Variants in WNT3A observed in about 807,000 individuals in gnomAD.
The protein encoded by WNT3A is protein Wnt-3a.
A neutral mutation model predicts 37.0 loss-of-function variants in WNT3A; 17 were observed. The observed-to-expected ratio is 0.46, with a 90% CI of 0.31 to 0.69. WNT3A has a LOEUF of 0.69. Ranked by LOEUF, WNT3A falls within the 30% of genes least tolerant of loss-of-function variation. The pLI, the probability that WNT3A is intolerant of heterozygous loss-of-function variation, is 0.05. For synonymous variants in WNT3A, 187 were observed against 211.0 expected (o/e 0.89, Z 0.99); for missense variants, 411 against 510.2 (o/e 0.81, Z 1.87).
At chr1:228,049,709 C>T (rs1399117351) in intron 2 of WNT3A, among the ~76,000 whole-genome samples, 1 of 152,176 alleles carries the variant, frequency 6.6e-6, no homozygotes, top group East Asian at 1.9e-4. Flanking sequence ...TGTGAGGCGG[C>T]CCCTTATTGG....
Position 228,058,982 on chromosome 1 carries a change from G to A in WNT3A, c.580-4G>A, listed in dbSNP as rs759291462. On this transcript the variant is annotated splice_polypyrimidine_tract_variant and splice_region_variant and intron_variant, in intron 3 of 3. Transcript: ENST00000284523. ...TGACGCTGGCTCCTGCGCGTGCCCC[G>A]CAGGCCATCGCCAGCCACATGCACC... 4 of 1,605,216 alleles carry A rather than the reference G, an allele frequency of 2.5e-6. No individual in the cohort carries two copies. The African/African-American group carries it at 4.0e-5, about 16-fold the overall frequency.
intron 1 of WNT3A, among the ~76,000 whole-genome samples, chr1:228,019,109 G>A (rs551547934): frequency 2.6e-5 from 4 of 152,200 alleles, no homozygotes; most frequent in East Asian, 1.9e-4. Flanking sequence ...GGGCCCACCC[G>A]GGAGGAGGGT....
chr1:228,059,914 T>C lies in WNT3A; in HGVS notation c.*449T>C. On this transcript the variant is annotated 3_prime_UTR_variant, in exon 4 of 4. Coordinates refer to ENST00000284523, the MANE Select transcript of WNT3A (RefSeq NM_033131.4). ...GCTCCTCCTGAAGGAGGCGGGGCTC[T>C]AGGATGGGGCACGGCTCTGGGGTAG... The C allele has an allele frequency of 9.6e-7, 1 of 1,043,232 alleles. No individual in the cohort carries two copies. Among genetic ancestry groups the C allele is most frequent in the Non-Finnish European group, 1.2e-6 (1 of 865,154 alleles). The allele number at this position is 1,043,232 out of a possible 1,614,324, so 64.6% of individuals were successfully genotyped here.
intron 2 of WNT3A, among the ~76,000 whole-genome samples, chr1:228,041,031 A>G (rs1305512683): frequency 6.7e-6 from 1 of 148,286 alleles, no homozygotes; most frequent in Non-Finnish European, 1.5e-5. Context: ...CTATCTATCT[A>G]TCTATCTATC....
chr1:228,037,545 G>A lies in WNT3A; in HGVS notation c.314-13111G>A, dbSNP rs900917582. Among the ~76,000 whole-genome samples the A allele has an allele frequency of 6.6e-5, 10 of 152,154 alleles. No individual in the cohort carries two copies. The highest frequency in any genetic ancestry group is 1.7e-4 in the African/African-American group (7 of 41,442). On this transcript the variant is annotated intron_variant, in intron 2 of 3. Coordinates refer to ENST00000284523, the MANE Select transcript of WNT3A (RefSeq NM_033131.4). The surrounding 1 kb of genome is among the most constrained non-coding windows in gnomAD (Gnocchi z 4.1). Reference sequence around the variant, plus strand: ...CCCTGCCTATGAGGGCCGGCACAGGGGTGGGGCCTGCCTGCTAGGACATGG... The same window carrying A: ...CCCTGCCTATGAGGGCCGGCACAGGAGTGGGGCCTGCCTGCTAGGACATGG...
chr1:228,060,238 G>C lies in WNT3A; in HGVS notation c.*773G>C, dbSNP rs747975567. The C allele has an allele frequency of 7.4e-7, 1 of 1,351,654 alleles. No homozygotes were observed. Among genetic ancestry groups the C allele is most frequent in the Non-Finnish European group, 9.8e-7 (1 of 1,021,528 alleles). 83.7% of individuals were successfully genotyped at this position (1,351,654 alleles called of 1,614,324 possible). ...CCAGAGCAGGAAATTCAGCCCACCA[G>C]CCACCTCATCCCCAACCCCCTGTAA... On this transcript the variant is annotated 3_prime_UTR_variant, in exon 4 of 4. Coordinates refer to ENST00000284523, the MANE Select transcript of WNT3A (RefSeq NM_033131.4).
intron 2 of WNT3A, among the ~76,000 whole-genome samples, chr1:228,032,365 T>G (rs1161736351): frequency 6.6e-6 from 1 of 152,192 alleles, no homozygotes; most frequent in African/African-American, 2.4e-5. Flanking sequence ...GCCAGCAGAT[T>G]GGCTGGGGGC....
Position 228,050,768 on chromosome 1 carries a change from C to T in WNT3A, c.426C>T (p.His142=), listed in dbSNP as rs200159074. 1 of 1,614,148 alleles carries T rather than the reference C, an allele frequency of 6.2e-7. No homozygotes were observed. The highest frequency in any genetic ancestry group is 1.1e-5 in the South Asian group (1 of 91,074). ...TAAICGCSSR[H]QGSPGKGWKW... ...CCATCTGTGGCTGCAGCAGCCGCCA[C>T]CAGGGCTCACCAGGCAAGGGCTGGA... The change falls in exon 3 of 4, where the codon CAC becomes CAT. Residue 142 remains histidine (H), a synonymous_variant. Transcript: ENST00000284523. This position sits in a 1 kb window ranked among gnomAD's most constrained non-coding sequence, Gnocchi z 5.0.
intron 2 of WNT3A, among the ~76,000 whole-genome samples, chr1:228,030,326 G>A (rs1389627756): frequency 6.6e-6 from 1 of 151,634 alleles, no homozygotes; most frequent in Non-Finnish European, 1.5e-5. Flanking sequence ...AACCTGGGAG[G>A]CGGAGGTTTT....
At chr1:228,046,462 A>C (rs537843115) in intron 2 of WNT3A, among the ~76,000 whole-genome samples, 71 of 68,780 alleles carry the variant, frequency 1.0e-3, no homozygotes, top group Middle Eastern at 9.8e-3. Flanking sequence ...CTGTGTGTGC[A>C]TTGCACGAGG....
intron 1 of WNT3A, among the ~76,000 whole-genome samples, chr1:228,021,496 C>T (rs1258483260): frequency 6.6e-6 from 1 of 152,122 alleles, no homozygotes; most frequent in Non-Finnish European, 1.5e-5. Context: ...GCCCCTCCTC[C>T]CCACGTGCTC....
At chr1:228,017,985 G>C (rs978968918) in intron 1 of WNT3A, among the ~76,000 whole-genome samples, 1 of 152,204 alleles carries the variant, frequency 6.6e-6, no homozygotes, top group Non-Finnish European at 1.5e-5. Flanking sequence ...AGAACAGCAC[G>C]GGGGCTTTGC....
rs902409625 is a variant in WNT3A, at chr1:228,059,343, G to C, written c.937G>C (p.Gly313Arg). The stretch of plus-strand genomic sequence containing the variant: ...CGACGGCTGCGACCTGCTGTGCTGC[G>C]GCCGCGGCCACAACGCGCGAGCGGA... ...GIDGCDLLCC[G>R]RGHNARAERR... Residue 313 changes from glycine (G) to arginine (R), a missense_variant, in exon 4 of 4, where the codon GGC becomes CGC. Coordinates refer to ENST00000284523, the MANE Select transcript of WNT3A (RefSeq NM_033131.4). The C allele has an allele frequency of 3.2e-6, 5 of 1,566,872 alleles. No individual in the cohort carries two copies. Among genetic ancestry groups the C allele is most frequent in the African/African-American group, 1.4e-5 (1 of 73,804 alleles).
In WNT3A at chr1:228,050,791, G is replaced by A; in HGVS notation, c.449G>A (p.Trp150Ter). Residue 150 changes from tryptophan (W) to a stop codon, truncating the protein, a stop_gained, in exon 3 of 4, where the codon TGG becomes TAG. Coordinates refer to ENST00000284523, the MANE Select transcript of WNT3A (RefSeq NM_033131.4). LOFTEE classifies it high-confidence loss of function. The surrounding 1 kb of genome is among the most constrained non-coding windows in gnomAD (Gnocchi z 5.0). ...SRHQGSPGKG[W>*]KWGGCSEDIE... ...CACCAGGGCTCACCAGGCAAGGGCTGGAAGTGGGGTGGCTGTAGCGAGGAC... is the reference window on the plus strand; with the variant it reads ...CACCAGGGCTCACCAGGCAAGGGCTAGAAGTGGGGTGGCTGTAGCGAGGAC... The A allele has an allele frequency of 6.2e-7, 1 of 1,614,052 alleles. No individual in the cohort carries two copies. Among genetic ancestry groups the A allele is most frequent in the Non-Finnish European group, 8.5e-7 (1 of 1,179,978 alleles).
At chr1:228,051,896 C>T (rs376470708) in intron 3 of WNT3A, among the ~76,000 whole-genome samples, 43 of 152,178 alleles carry the variant, frequency 2.8e-4, no homozygotes, top group East Asian at 1.2e-3. Context: ...GAGGTCGCCA[C>T]GCACAGATCT....
At chr1:228,024,755 A>G (rs1745413) in intron 2 of WNT3A, among the ~76,000 whole-genome samples, 113,205 of 152,206 alleles carry the variant, frequency 0.74, 43,064 homozygotes, top group African/African-American at 0.91. Context: ...TTTCTTCAAA[A>G]AACCTAATAG....
intron 1 of WNT3A, among the ~76,000 whole-genome samples, chr1:228,018,407 A>ATT (rs5781502): frequency 0.02 from 2,917 of 147,608 alleles, 104 homozygotes; most frequent in African/African-American, 0.065. Flanking sequence ...TGCAATTTAG[A>ATT]TTTTTTTTTT....
intron 2 of WNT3A, among the ~76,000 whole-genome samples, chr1:228,033,242 C>A (rs1035630264): frequency 1.3e-5 from 2 of 151,960 alleles, no homozygotes; most frequent in South Asian, 4.2e-4. Context: ...ATCTAAGAGA[C>A]AATTGCCTAA....
intron 2 of WNT3A, among the ~76,000 whole-genome samples, chr1:228,046,163 G>T (rs2031399961): frequency 1.3e-5 from 2 of 152,268 alleles, no homozygotes; most frequent in South Asian, 4.1e-4. Context: ...TGGCATTGAG[G>T]TCAGGAGAGG....
Sources: gnomAD v4.1 joint callset for allele counts (sites outside exome capture counted in the v4.1 genomes callset) on GRCh38, gnomAD v4.1.1 for gene constraint, Gnocchi (gnomAD v3.1) non-coding constraint, MANE v1.5 for transcripts, NCBI Gene and HGNC (gene_info 2026-07-23, HGNC 2026-07-21) for gene names.